Variants in LRRC7 observed in about 807,000 individuals in gnomAD.
The protein encoded by LRRC7 is leucine-rich repeat-containing protein 7.
LRRC7 carries 23 observed loss-of-function variants against 175.7 expected under a neutral mutation model. The observed-to-expected ratio is 0.13, with a 90% confidence interval of 0.09 to 0.19. LRRC7 has a LOEUF of 0.19. Among genes scored for constraint, LRRC7 ranks in the 10% least tolerant of loss-of-function variants. LRRC7 has a pLI of 1.00. For missense variants in LRRC7, 1,354 were observed against 1,904.7 expected, an observed-to-expected ratio of 0.71 and a Z score of 5.38; for synonymous variants, 685 against 680.9, an observed-to-expected ratio of 1.01 and a Z score of -0.09.
intron 8 of LRRC7, among the ~76,000 whole-genome samples, chr1:69,952,777 TAGTGCCAAC>T (rs1650070657): frequency 6.6e-6 from 1 of 151,936 alleles, no homozygotes. Flanking sequence ...ATCTTCTAGT[TAGTGCCAAC>T]AAAATAGAGA....
chr1:69,867,358 T>G (rs540133429), intron 7 of LRRC7, among the ~76,000 whole-genome samples: 2 of 152,310 alleles, frequency 1.3e-5, no homozygotes, highest in South Asian at 4.1e-4. Context: ...CTCAGGCTGA[T>G]TCGCTCAGGT....
At chr1:69,915,158 T>C (rs1449346528) in intron 7 of LRRC7, among the ~76,000 whole-genome samples, 4 of 152,090 alleles carry the variant, frequency 2.6e-5, no homozygotes, top group Admixed American at 1.3e-4. Context: ...TAAGGCCAAA[T>C]GGCAAAACCA....
intron 7 of LRRC7, among the ~76,000 whole-genome samples, chr1:69,862,393 A>G (rs1229374774): frequency 6.6e-6 from 1 of 152,172 alleles, no homozygotes; most frequent in East Asian, 1.9e-4. Context: ...TAATAAAATC[A>G]AAAATTAAAA....
At chr1:69,937,874 T>G (rs1648212516) in intron 8 of LRRC7, among the ~76,000 whole-genome samples, 1 of 151,976 alleles carries the variant, frequency 6.6e-6, no homozygotes, top group Non-Finnish European at 1.5e-5. Flanking sequence ...CTTTCTTACC[T>G]TTTTACATAA....
intron 7 of LRRC7, among the ~76,000 whole-genome samples, chr1:69,910,250 A>T (rs1045062417): frequency 1.3e-5 from 2 of 152,104 alleles, no homozygotes; most frequent in Non-Finnish European, 2.9e-5. Flanking sequence ...CCTTTGGAGG[A>T]GGAGAGGTGC....
chr1:69,929,681 C>A (rs1647209899), intron 7 of LRRC7, among the ~76,000 whole-genome samples: 2 of 152,182 alleles, frequency 1.3e-5, no homozygotes. Context: ...TCTCTTTGAT[C>A]TTCCTTCTTC....
intron 7 of LRRC7, chr1:69,919,306 C>G: frequency 1.8e-6 from 1 of 553,064 alleles, no homozygotes; most frequent in Non-Finnish European, 3.2e-6. Context: ...ATAAATATGA[C>G]CGTGTTCCAA....
At chr1:70,095,043 A>G (rs985573405) in intron 25 of LRRC7, among the ~76,000 whole-genome samples, 4 of 152,186 alleles carry the variant, frequency 2.6e-5, no homozygotes, top group African/African-American at 9.6e-5. Flanking sequence ...CAGCTACTAG[A>G]CAAATACAAT....
At chr1:69,646,973 G>A (rs1264409) in intron 1 of LRRC7, among the ~76,000 whole-genome samples, 33,466 of 151,750 alleles carry the variant, frequency 0.22, 4,175 homozygotes, top group South Asian at 0.29. Context: ...GCTGGCCTAC[G>A]TCATTCTAAA....
At chr1:69,830,207 T>C (rs1285831557) in intron 5 of LRRC7, among the ~76,000 whole-genome samples, 1 of 151,818 alleles carries the variant, frequency 6.6e-6, no homozygotes, top group Non-Finnish European at 1.5e-5. Context: ...ATTTAAAACA[T>C]TCTTAATGCT....
rs192101918 is a variant in LRRC7 at position 69,941,738 on chromosome 1, A to G, written c.711+10168A>G. Among the ~76,000 whole-genome samples the G allele has an allele frequency of 5.3e-4, 80 of 152,246 alleles. 1 individual carries two copies. The highest frequency in any genetic ancestry group is 3.4e-3 in the Middle Eastern group (1 of 294). On this transcript the variant is annotated intron_variant, in intron 8 of 26. Transcript: ENST00000651989. ...AAGCTGACAAAATGCCACAAACATC[A>G]TAAAATCGTGGAAAATAACATAATA...
chr1:69,925,796 T>C (rs79885683), intron 7 of LRRC7, among the ~76,000 whole-genome samples: 55,192 of 146,078 alleles, frequency 0.38, 11,688 homozygotes, highest in East Asian at 0.54. Flanking sequence ...GTGTCTCTAT[T>C]TCCTTCAGTT....
At chr1:69,927,428 G>A (rs190939664) in intron 7 of LRRC7, among the ~76,000 whole-genome samples, 65 of 152,182 alleles carry the variant, frequency 4.3e-4, no homozygotes, top group Middle Eastern at 3.4e-3. Context: ...CATTCTCCCC[G>A]TCACTTTCAG....
chr1:69,605,933 C>T (rs1193666991), intron 1 of LRRC7, among the ~76,000 whole-genome samples: 2 of 152,044 alleles, frequency 1.3e-5, no homozygotes, highest in Non-Finnish European at 2.9e-5. Context: ...GATTCTAATG[C>T]TATGCCAGAA....
intron 1 of LRRC7, among the ~76,000 whole-genome samples, chr1:69,589,172 G>C (rs1195029297): frequency 1.3e-5 from 2 of 151,596 alleles, no homozygotes; most frequent in African/African-American, 4.8e-5. Context: ...GTGTGTGTGA[G>C]AGAGAGAGAC....
rs769222971 is a variant in LRRC7, at chr1:69,760,409, C to T, written c.303+16C>T. On this transcript the variant is annotated intron_variant, in intron 3 of 26. Coordinates refer to ENST00000651989, the MANE Select transcript of LRRC7 (RefSeq NM_001370785.2). Reference sequence around the variant, plus strand: ...ACTACCCAAGGTAACTTTTGACAACCTAAAATATACAATGTAAATGAGTAT... The same window carrying T: ...ACTACCCAAGGTAACTTTTGACAACTTAAAATATACAATGTAAATGAGTAT... The T allele has an allele frequency of 2.5e-6, 4 of 1,586,408 alleles. No individual in the cohort carries two copies. The African/African-American group carries it at 4.0e-5, about 16-fold the overall frequency.
intron 1 of LRRC7, among the ~76,000 whole-genome samples, chr1:69,646,433 G>A (rs747041029): frequency 6.6e-6 from 1 of 152,034 alleles, no homozygotes; most frequent in Non-Finnish European, 1.5e-5. Context: ...ATAACATTTA[G>A]AATAGCACTA....
At chr1:69,611,919 G>A (rs1435805078) in intron 1 of LRRC7, among the ~76,000 whole-genome samples, 3 of 152,000 alleles carry the variant, frequency 2.0e-5, no homozygotes, top group Non-Finnish European at 4.4e-5. Flanking sequence ...ACCATTTTCT[G>A]CATGCACATG....
intron 5 of LRRC7, among the ~76,000 whole-genome samples, chr1:69,831,030 T>G (rs1680472602): frequency 6.6e-6 from 1 of 151,894 alleles, no homozygotes; most frequent in Admixed American, 6.6e-5. Flanking sequence ...AGAAGTATAT[T>G]TTTGATCAAA....
Sources: gnomAD v4.1 joint callset for allele counts (sites outside exome capture counted in the v4.1 genomes callset) on GRCh38, gnomAD v4.1.1 for gene constraint, MANE v1.5 for transcripts, NCBI Gene and HGNC (gene_info 2026-07-23, HGNC 2026-07-21) for gene names.